The following EYS variants were observed in gnomAD, a reference collection of about 807,000 sequenced individuals.
EYS encodes the protein EGF-like photoreceptor maintenance factor.
Under a neutral mutation model 282.1 loss-of-function variants are expected in EYS, and 250 were observed. The ratio of observed to expected loss-of-function variants is 0.89; its 90% CI spans 0.80 to 0.98. EYS has a LOEUF of 0.98. Ranked by LOEUF, EYS falls within the 50% of genes least tolerant of loss-of-function variation. EYS has a pLI of 0.00. For synonymous variants in EYS, 1,355 were observed against 1,282.9 expected (o/e 1.06, Z -1.20); for missense variants, 4,016 against 3,709.0 (o/e 1.08, Z -2.15).
At chr6:64,949,606 G>A (rs1769414098) in intron 14 of EYS, among the ~76,000 whole-genome samples, 1 of 151,668 alleles carries the variant, frequency 6.6e-6, no homozygotes, top group Non-Finnish European at 1.5e-5. Flanking sequence ...TCACTTATTG[G>A]GGGTGTTAAT....
At chr6:65,364,187 G>A (rs1174486085) in intron 8 of EYS, among the ~76,000 whole-genome samples, 1 of 149,424 alleles carries the variant, frequency 6.7e-6, no homozygotes, top group African/African-American at 2.4e-5. Flanking sequence ...GTGAATTTTT[G>A]AAACTGTAGG....
At chr6:64,096,059 T>C (rs970121834) in intron 31 of EYS, among the ~76,000 whole-genome samples, 4 of 152,216 alleles carry the variant, frequency 2.6e-5, no homozygotes, top group Non-Finnish European at 4.4e-5. Flanking sequence ...TTCTTTTCTT[T>C]AAGAATGTTG....
At chr6:64,943,440 G>T (rs1440831724) in intron 15 of EYS, among the ~76,000 whole-genome samples, 1 of 152,026 alleles carries the variant, frequency 6.6e-6, no homozygotes, top group African/African-American at 2.4e-5. Flanking sequence ...TCTACACCTA[G>T]AAGATGCTGA....
At chr6:63,830,884 A>C (rs1771613272) in intron 36 of EYS, among the ~76,000 whole-genome samples, 1 of 152,260 alleles carries the variant, frequency 6.6e-6, no homozygotes, top group Non-Finnish European at 1.5e-5. Flanking sequence ...GAAACTCTTA[A>C]AGCCAGGAGA....
intron 26 of EYS, among the ~76,000 whole-genome samples, chr6:64,454,546 T>C (rs1236882713): frequency 6.6e-6 from 1 of 152,194 alleles, no homozygotes; most frequent in Non-Finnish European, 1.5e-5. Flanking sequence ...CTATTTTTTT[T>C]TCAATAAATA....
Position 64,388,704 on chromosome 6 carries a change from G to C in EYS, c.6064C>G (p.His2022Asp). The C allele has an allele frequency of 6.5e-7, 1 of 1,533,194 alleles. No individual in the cohort carries two copies. The highest frequency in any genetic ancestry group is 8.8e-7 in the Non-Finnish European group (1 of 1,139,204). The allele number at this position is 1,533,194 out of a possible 1,614,324, so 95.0% of individuals were successfully genotyped here. A position where few individuals can be genotyped will look rare whatever the true frequency, so the allele number is the denominator to read the frequency against. Residue 2022 changes from histidine to aspartate, a missense_variant, in exon 29 of 43, where the codon CAT becomes GAT. Physicochemically the swap from His to Asp is moderately conservative, Grantham distance 81 (BLOSUM62 -1). Coordinates refer to ENST00000503581, the MANE Select transcript of EYS (RefSeq NM_001142800.2). ...TATAGAAATACCTGGATTTTCCCAT[G>C]AAGGTCTGGAAATCCACCAATGAAG... ...SVFIGGFPDL[H>D]GKIQMPVPVK...
intron 31 of EYS, among the ~76,000 whole-genome samples, chr6:64,120,717 T>C (rs116074073): frequency 0.042 from 6,411 of 152,252 alleles, 393 homozygotes; most frequent in African/African-American, 0.14. Flanking sequence ...CATACTATTA[T>C]AGGTAGTTTT....
intron 12 of EYS, among the ~76,000 whole-genome samples, chr6:65,094,672 A>AT (rs1168583447): frequency 6.6e-6 from 1 of 151,264 alleles, no homozygotes; most frequent in Non-Finnish European, 1.5e-5. Context: ...CTCAAAATAG[A>AT]TTTTTTTCTT....
chr6:65,457,751 T>G (rs1764680415), intron 5 of EYS, among the ~76,000 whole-genome samples: 2 of 152,164 alleles, frequency 1.3e-5, no homozygotes, highest in Admixed American at 6.6e-5. Flanking sequence ...AGATAATTAA[T>G]ATTTTCACCT....
chr6:65,406,055 T>C (rs1766723359), intron 5 of EYS, among the ~76,000 whole-genome samples: 2 of 152,104 alleles, frequency 1.3e-5, no homozygotes, highest in Non-Finnish European at 2.9e-5. Context: ...GTCAGATTTA[T>C]GTTTCTCCAC....
intron 26 of EYS, among the ~76,000 whole-genome samples, chr6:64,577,718 A>G (rs1354388363): frequency 2.0e-5 from 3 of 152,116 alleles, no homozygotes; most frequent in Non-Finnish European, 4.4e-5. Flanking sequence ...TGCAGAAATC[A>G]GAGGTTCTTT....
chr6:65,536,094 A>G (rs1054850001), intron 2 of EYS, among the ~76,000 whole-genome samples: 1 of 152,138 alleles, frequency 6.6e-6, no homozygotes, highest in African/African-American at 2.4e-5. Context: ...TTGAGATAGA[A>G]TGATACATTC....
At chr6:64,272,141 A>G (rs1210781947) in intron 30 of EYS, among the ~76,000 whole-genome samples, 1 of 151,888 alleles carries the variant, frequency 6.6e-6, no homozygotes, top group Admixed American at 6.6e-5. Flanking sequence ...AGATATAGAA[A>G]CCCATAGGGA....
intron 1 of EYS, among the ~76,000 whole-genome samples, chr6:65,692,159 T>C (rs1362127749): frequency 6.7e-6 from 1 of 150,312 alleles, no homozygotes; most frequent in African/African-American, 2.4e-5. Context: ...AGTGACAAAG[T>C]CAGAGACAGA....
chr6:64,114,463 G>A lies in EYS; in HGVS notation c.6425-32461C>T, dbSNP rs540262687. ...TATCCATGAACAAAAATAGCCCTAG[G>A]AAGAGCTCAGGAGTCTCATCAAGAA... On this transcript the variant is annotated intron_variant, in intron 31 of 42. Coordinates refer to ENST00000503581, the MANE Select transcript of EYS (RefSeq NM_001142800.2). 1.1e-4 allele frequency among the ~76,000 whole-genome samples: 16 copies of A among 152,222 alleles called. No homozygotes were observed. In the South Asian group the frequency reaches 3.3e-3, roughly 32 times the overall value.
At chr6:64,954,938 G>A (rs58856220) in intron 14 of EYS, among the ~76,000 whole-genome samples, 1 of 152,162 alleles carries the variant, frequency 6.6e-6, no homozygotes, top group Admixed American at 6.5e-5. Context: ...GAAGGCTGAG[G>A]CAGGTAGATC....
intron 26 of EYS, among the ~76,000 whole-genome samples, chr6:64,508,130 C>T (rs1777271650): frequency 6.6e-6 from 1 of 152,036 alleles, no homozygotes; most frequent in Admixed American, 6.6e-5. Context: ...TAATAACAAT[C>T]AAGTGTTCTA....
chr6:64,090,519 A>G (rs905491980), intron 31 of EYS, among the ~76,000 whole-genome samples: 1 of 152,152 alleles, frequency 6.6e-6, no homozygotes, highest in Non-Finnish European at 1.5e-5. Flanking sequence ...ATTCAACTGC[A>G]TAGTCCATTT....
chr6:64,456,802 A>G (rs1775572466), intron 26 of EYS, among the ~76,000 whole-genome samples: 1 of 151,950 alleles, frequency 6.6e-6, no homozygotes, highest in Non-Finnish European at 1.5e-5. Context: ...AAAGTCTCTC[A>G]TTTCCCATTA....
Sources: gnomAD v4.1 joint callset for allele counts (sites outside exome capture counted in the v4.1 genomes callset) on GRCh38, gnomAD v4.1.1 for gene constraint, MANE v1.5 for transcripts, NCBI Gene and HGNC (gene_info 2026-07-23, HGNC 2026-07-21) for gene names.